Variants in CMSS1 observed in about 807,000 individuals in gnomAD.
CMSS1 encodes cms1 ribosomal small subunit homolog.
A neutral mutation model predicts 43.5 loss-of-function variants in CMSS1; 33 were observed. The ratio of observed to expected loss-of-function variants is 0.76; its 90% CI spans 0.57 to 1.01. The LOEUF (loss-of-function observed/expected upper bound fraction) is 1.01. Ranked by LOEUF, CMSS1 falls within the 50% of genes least tolerant of loss-of-function variation. The pLI is 0.00. For missense variants in CMSS1, 313 were observed against 326.4 expected (o/e 0.96, Z 0.32); for synonymous variants, 115 against 117.2 (o/e 0.98, Z 0.12).
chr3:99,990,850 A>G (rs1447686266), intron 1 of CMSS1, among the ~76,000 whole-genome samples: 1 of 152,164 alleles, frequency 6.6e-6, no homozygotes, highest in Non-Finnish European at 1.5e-5. Flanking sequence ...TTCCCTTCAT[A>G]TTTTCTCCAA....
Position 99,899,284 on chromosome 3 carries a change from T to C in CMSS1, c.64+81241T>C, listed in dbSNP as rs569567742. ...CTTGGTTATAATTTTCAAAAGCAGATTTTTGGTTTCCAATACCAAGTTATT... is the reference window on the plus strand; with the variant it reads ...CTTGGTTATAATTTTCAAAAGCAGACTTTTGGTTTCCAATACCAAGTTATT... On this transcript the variant is annotated intron_variant, in intron 1 of 9. Transcript: ENST00000421999. 7.9e-5 allele frequency among the ~76,000 whole-genome samples: 12 copies of C among 152,332 alleles called. No homozygotes were observed. The South Asian group carries it at 2.5e-3, about 32-fold the overall frequency.
At chr3:100,095,937 A>G (rs1396103461) in intron 1 of CMSS1, among the ~76,000 whole-genome samples, 1 of 152,168 alleles carries the variant, frequency 6.6e-6, no homozygotes, top group African/African-American at 2.4e-5. Context: ...AAAAATGAAT[A>G]ATCCAATTTA....
At chr3:99,902,411 A>G (rs1706466000) in intron 1 of CMSS1, among the ~76,000 whole-genome samples, 1 of 152,206 alleles carries the variant, frequency 6.6e-6, no homozygotes, top group African/African-American at 2.4e-5. Context: ...AGTTTCTCAG[A>G]TGCATTTCCA....
At chr3:100,093,043 G>T (rs916521201) in intron 1 of CMSS1, among the ~76,000 whole-genome samples, 1 of 151,948 alleles carries the variant, frequency 6.6e-6, no homozygotes, top group Non-Finnish European at 1.5e-5. Flanking sequence ...AAGGAGTAGA[G>T]GTTACTAGAT....
At chr3:99,930,153 T>C (rs1707431322) in intron 1 of CMSS1, 2 of 777,094 alleles carry the variant, frequency 2.6e-6, no homozygotes, top group East Asian at 5.3e-5. Flanking sequence ...ATATTTCATT[T>C]TCACACTTTT....
intron 1 of CMSS1, among the ~76,000 whole-genome samples, chr3:100,137,296 A>G (rs963884432): frequency 6.6e-6 from 1 of 152,252 alleles, no homozygotes; most frequent in African/African-American, 2.4e-5. Context: ...CTCTAGAAAT[A>G]TAGAACTTCC....
Position 100,178,474 on chromosome 3 carries a change from A to G in CMSS1, c.*86A>G. ...CTGATACATTGCAAGCACTCAGTAAATATCAGCAAATAGTTTATGTTAATT... is the reference window on the plus strand; with the variant it reads ...CTGATACATTGCAAGCACTCAGTAAGTATCAGCAAATAGTTTATGTTAATT... On this transcript the variant is annotated 3_prime_UTR_variant, in exon 10 of 10. Transcript: ENST00000421999. 4 of 752,284 alleles carry G rather than the reference A, an allele frequency of 5.3e-6. No homozygotes were observed. The Admixed American group carries it at 7.2e-5, about 14-fold the overall frequency. 46.6% of individuals were successfully genotyped at this position (752,284 alleles called of 1,614,324 possible).
At chr3:100,158,367 C>A (rs2066994077) in intron 2 of CMSS1, among the ~76,000 whole-genome samples, 1 of 152,208 alleles carries the variant, frequency 6.6e-6, no homozygotes, top group African/African-American at 2.4e-5. Context: ...GTCAAAGTCA[C>A]ACAGTGTTGG....
intron 1 of CMSS1, among the ~76,000 whole-genome samples, chr3:99,949,128 G>C (rs1307747114): frequency 6.6e-6 from 1 of 152,118 alleles, no homozygotes; most frequent in Non-Finnish European, 1.5e-5. Context: ...GTGAAAGCAG[G>C]ATAAAGTTCC....
At chr3:100,135,485 T>TGC (rs1553717025) in intron 1 of CMSS1, among the ~76,000 whole-genome samples, 6 of 143,780 alleles carry the variant, frequency 4.2e-5, no homozygotes, top group African/African-American at 1.6e-4. Flanking sequence ...TGTGTGTGTG[T>TGC]GTGTGTTTAA....
At chr3:99,966,015 T>C (rs1017508328) in intron 1 of CMSS1, among the ~76,000 whole-genome samples, 13 of 152,160 alleles carry the variant, frequency 8.5e-5, no homozygotes, top group Non-Finnish European at 1.9e-4. Flanking sequence ...GGGTCTTTTC[T>C]TCAGCCTCTT....
rs371837972 is a variant in CMSS1, at chr3:100,166,400, T to G, written c.415+6T>G. Reference sequence around the variant, plus strand: ...TTCCTCATACCTAAAAGAAAGTAAGTAAACTCTGATTTTAATCTATTTAAA... The same window carrying G: ...TTCCTCATACCTAAAAGAAAGTAAGGAAACTCTGATTTTAATCTATTTAAA... On this transcript the variant is annotated splice_donor_region_variant and intron_variant, in intron 5 of 9. Transcript: ENST00000421999. 1.9e-6 allele frequency: 3 copies of G among 1,548,460 alleles called. No homozygotes were observed. Among genetic ancestry groups the G allele is most frequent in the Non-Finnish European group, 2.7e-6 (3 of 1,121,378 alleles).
chr3:100,169,432 A>G (rs1195959983), intron 6 of CMSS1, among the ~76,000 whole-genome samples: 1 of 152,236 alleles, frequency 6.6e-6, no homozygotes, highest in Non-Finnish European at 1.5e-5. Flanking sequence ...ACAAAGGAAA[A>G]TCCAAGTCCT....
intron 1 of CMSS1, among the ~76,000 whole-genome samples, chr3:100,097,240 C>G (rs2066225677): frequency 2.0e-5 from 3 of 152,184 alleles, no homozygotes; most frequent in Admixed American, 2.0e-4. Context: ...CCCCAAACCA[C>G]CAACCATCCC....
chr3:99,906,237 G>A (rs1706613180), intron 1 of CMSS1, among the ~76,000 whole-genome samples: 1 of 152,150 alleles, frequency 6.6e-6, no homozygotes, highest in Non-Finnish European at 1.5e-5. Flanking sequence ...TGGTAGGGCT[G>A]TAGTACTCCC....
intron 1 of CMSS1, among the ~76,000 whole-genome samples, chr3:99,869,647 C>T (rs902420609): frequency 6.6e-6 from 1 of 152,168 alleles, no homozygotes. Context: ...GCTCCTGGAC[C>T]AGGCAACTCC....
chr3:99,947,963 G>A (rs1708059084), intron 1 of CMSS1, among the ~76,000 whole-genome samples: 1 of 152,148 alleles, frequency 6.6e-6, no homozygotes, highest in Non-Finnish European at 1.5e-5. Flanking sequence ...AAAAATATGA[G>A]AATCAGACCT....
At chr3:100,008,366 A>G (rs991834567) in intron 1 of CMSS1, among the ~76,000 whole-genome samples, 2 of 152,204 alleles carry the variant, frequency 1.3e-5, no homozygotes, top group African/African-American at 4.8e-5. Context: ...AAAAGCAGCC[A>G]AAGTTCCCCA....
chr3:99,828,641 A>T (rs1401289174), intron 1 of CMSS1, among the ~76,000 whole-genome samples: 2 of 144,630 alleles, frequency 1.4e-5, no homozygotes, highest in Non-Finnish European at 3.0e-5. Flanking sequence ...CTTTTCGGAG[A>T]GACAAGGTCT....
Sources: gnomAD v4.1 joint callset for allele counts (sites outside exome capture counted in the v4.1 genomes callset) on GRCh38, gnomAD v4.1.1 for gene constraint, MANE v1.5 for transcripts, NCBI Gene and HGNC (gene_info 2026-07-23, HGNC 2026-07-21) for gene names.